Variants in SAMMSON observed in about 807,000 individuals in gnomAD.
SAMMSON encodes long intergenic non-protein coding RNA 1212.
At chr3:70,337,474 G>A (rs1014518366) in intron 7 of SAMMSON, among the ~76,000 whole-genome samples, 1 of 151,222 alleles carries the variant, frequency 6.6e-6, no homozygotes, top group Non-Finnish European at 1.5e-5. Flanking sequence ...TTTTCTCTAG[G>A]GAAAAGCAGC....
chr3:70,394,709 T>C (rs1701076991), downstream of SAMMSON, among the ~76,000 whole-genome samples: 1 of 152,122 alleles, frequency 6.6e-6, no homozygotes, highest in Non-Finnish European at 1.5e-5. Flanking sequence ...CCACAATAAA[T>C]AATGCAAGAA....
chr3:70,066,455 A>C (rs545404179), intron 3 of SAMMSON, among the ~76,000 whole-genome samples: 1 of 152,226 alleles, frequency 6.6e-6, no homozygotes, highest in South Asian at 2.1e-4. Context: ...AGAGTCTCAG[A>C]AAAGATTTTG....
At chr3:70,290,955 T>C (rs539570297) in intron 6 of SAMMSON, among the ~76,000 whole-genome samples, 1 of 152,150 alleles carries the variant, frequency 6.6e-6, no homozygotes, top group Non-Finnish European at 1.5e-5. Context: ...CTGAGCCCAC[T>C]GTCTGGCACT....
In SAMMSON at chr3:70,014,115, T is replaced by A. The variant is rs550670559; in HGVS notation, n.417+443T>A. On this transcript the variant is annotated intron_variant and non_coding_transcript_variant, in intron 3 of 9. Transcript: ENST00000642114. ...TACAAGCAGGCCATCTCTGCCCTCATGGCAATGATGGTCTTTACTCCAGGC... is the reference window on the plus strand; with the variant it reads ...TACAAGCAGGCCATCTCTGCCCTCAAGGCAATGATGGTCTTTACTCCAGGC... 6 of 152,338 alleles carry A rather than the reference T, an allele frequency of 3.9e-5. No homozygotes were observed. In the South Asian group the frequency reaches 1.2e-3, roughly 32 times the overall value. 9.4% of individuals were successfully genotyped at this position (152,338 alleles called of 1,614,324 possible). A position where few individuals can be genotyped will look rare whatever the true frequency, so the allele number is the denominator to read the frequency against.
chr3:70,177,933 A>G (rs917544999), intron 4 of SAMMSON, among the ~76,000 whole-genome samples: 2 of 152,198 alleles, frequency 1.3e-5, no homozygotes, highest in African/African-American at 4.8e-5. Flanking sequence ...GCGTGTTTGT[A>G]TGTCTGCAAA....
At chr3:70,302,484 A>G (rs560007742) in intron 7 of SAMMSON, 5 of 152,164 alleles carry the variant, frequency 3.3e-5, no homozygotes, top group Non-Finnish European at 7.4e-5. Context: ...TCTTTATACT[A>G]ATGTTGATTA....
intron 3 of SAMMSON, among the ~76,000 whole-genome samples, chr3:70,022,426 CAAAAAAAAAAA>C (rs60455629): frequency 2.2e-5 from 2 of 91,126 alleles, no homozygotes; most frequent in Admixed American, 2.4e-4. Context: ...AGTATAATAA[CAAAAAAAAAAA>C]AAAAAAAAAA....
chr3:70,285,130 A>G (rs1209448830), intron 6 of SAMMSON, among the ~76,000 whole-genome samples: 1 of 151,422 alleles, frequency 6.6e-6, no homozygotes, highest in African/African-American at 2.4e-5. Flanking sequence ...ATATGTATAC[A>G]TGTGCCATGC....
intron 4 of SAMMSON, among the ~76,000 whole-genome samples, chr3:70,193,320 G>T (rs1402678916): frequency 6.6e-6 from 1 of 152,090 alleles, no homozygotes; most frequent in Non-Finnish European, 1.5e-5. Flanking sequence ...TGAGGACAAG[G>T]TCTTGCTCTG....
intron 3 of SAMMSON, among the ~76,000 whole-genome samples, chr3:70,056,997 G>T (rs1054478855): frequency 2.6e-5 from 4 of 152,046 alleles, no homozygotes; most frequent in African/African-American, 9.7e-5. Flanking sequence ...TTATCTGTAG[G>T]AAGTATCTAA....
At chr3:70,210,428 A>G (rs868656152) in intron 4 of SAMMSON, among the ~76,000 whole-genome samples, 29 of 152,134 alleles carry the variant, frequency 1.9e-4, no homozygotes, top group African/African-American at 7.0e-4. Flanking sequence ...TGTTCAACCC[A>G]GAATTCTGAC....
At chr3:70,249,353 AG>A (rs1024068136) in intron 5 of SAMMSON, among the ~76,000 whole-genome samples, 1 of 152,082 alleles carries the variant, frequency 6.6e-6, no homozygotes, top group African/African-American at 2.4e-5. Context: ...TCAGTGTCTA[AG>A]GGGGGGATCT....
chr3:70,379,469 C>T (rs1051285901), intron 9 of SAMMSON, among the ~76,000 whole-genome samples: 1 of 152,088 alleles, frequency 6.6e-6, no homozygotes, highest in African/African-American at 2.4e-5. Context: ...CAGGATTGGG[C>T]AGAGGGAGAA....
chr3:70,124,498 C>A (rs2067447401), intron 4 of SAMMSON, among the ~76,000 whole-genome samples: 1 of 152,060 alleles, frequency 6.6e-6, no homozygotes, highest in Non-Finnish European at 1.5e-5. Flanking sequence ...TGTAAGCATT[C>A]TTTTATTATT....
intron 4 of SAMMSON, among the ~76,000 whole-genome samples, chr3:70,155,662 C>T (rs1458436326): frequency 6.6e-6 from 1 of 152,014 alleles, no homozygotes; most frequent in African/African-American, 2.4e-5. Flanking sequence ...CTTTCTACCC[C>T]TTTCTTTCAG....
intron 7 of SAMMSON, among the ~76,000 whole-genome samples, chr3:70,343,091 T>C (rs1702724161): frequency 6.6e-6 from 1 of 152,186 alleles, no homozygotes; most frequent in South Asian, 2.1e-4. Flanking sequence ...AAGCTTTTTA[T>C]TTTAGAATTG....
intron 3 of SAMMSON, among the ~76,000 whole-genome samples, chr3:70,050,146 C>T (rs556017319): frequency 2.3e-3 from 346 of 152,228 alleles, no homozygotes; most frequent in African/African-American, 8.1e-3. Flanking sequence ...AGAAGAACTG[C>T]CCCACCGTGG....
intron 7 of SAMMSON, among the ~76,000 whole-genome samples, chr3:70,322,699 A>G (rs1032358423): frequency 1.9e-4 from 29 of 152,284 alleles, no homozygotes; most frequent in African/African-American, 6.5e-4. Flanking sequence ...TTGATCAGCT[A>G]TTCACAAATG....
intron 4 of SAMMSON, among the ~76,000 whole-genome samples, chr3:70,129,438 G>A (rs949173974): frequency 1.3e-5 from 2 of 152,066 alleles, no homozygotes; most frequent in Non-Finnish European, 1.5e-5. Flanking sequence ...GAAAACATTC[G>A]AGTATCTTTT....
Sources: allele counts gnomAD v4.1 joint callset (sites outside exome capture counted in the v4.1 genomes callset), GRCh38; gene constraint gnomAD v4.1.1; transcripts MANE v1.5; gene names NCBI Gene and HGNC (gene_info 2026-07-23, HGNC 2026-07-21).